The following PPFIA1 variants were observed in gnomAD, a reference collection of about 807,000 sequenced individuals.
PPFIA1 encodes PPFI scaffold protein A1.
PPFIA1 carries 25 observed loss-of-function variants against 149.9 expected under a neutral mutation model. The observed-to-expected ratio is 0.17, with a 90% confidence interval of 0.12 to 0.23. The LOEUF (loss-of-function observed/expected upper bound fraction) is 0.23. Among genes scored for constraint, PPFIA1 ranks in the 10% least tolerant of loss-of-function variants. The probability of loss-of-function intolerance (pLI) is 1.00; values close to 1 mark genes in which losing one functional copy is unlikely to be tolerated. For synonymous variants in PPFIA1, 549 were observed against 552.8 expected, an observed-to-expected ratio of 0.99 and a Z score of 0.10; for missense variants, 1,362 against 1,506.5, an observed-to-expected ratio of 0.90 and a Z score of 1.59.
At chr11:70,382,272 G>A in intron 27 of PPFIA1, 114 bp downstream of exon 27, 1 of 670,948 alleles carries the variant, frequency 1.5e-6, no homozygotes, top group Non-Finnish European at 2.5e-6. Context: ...AGTTTTTGGG[G>A]AATTTAAAAT....
intron 2 of PPFIA1, chr11:70,279,100 G>A (rs1031724073): frequency 1.9e-6 from 1 of 533,058 alleles, no homozygotes. Flanking sequence ...GCCAGTTCAA[G>A]TACCTCTGCG....
chr11:70,273,307 AGT>A (rs1473300627), intron 2 of PPFIA1, among the ~76,000 whole-genome samples: 1 of 152,166 alleles, frequency 6.6e-6, no homozygotes, highest in Admixed American at 6.5e-5. Flanking sequence ...TGTTTCTCTG[AGT>A]ATGTTACATT....
intron 2 of PPFIA1, among the ~76,000 whole-genome samples, chr11:70,293,638 T>C (rs939799131): frequency 6.6e-6 from 1 of 152,212 alleles, no homozygotes; most frequent in African/African-American, 2.4e-5. Context: ...CTTAATCTGC[T>C]GGAGCCTTGT....
intron 2 of PPFIA1, among the ~76,000 whole-genome samples, chr11:70,275,861 A>G (rs1300886670): frequency 6.6e-6 from 1 of 152,158 alleles, no homozygotes; most frequent in Non-Finnish European, 1.5e-5. Context: ...GGTTGCCCAG[A>G]CTAGTCTCCA....
chr11:70,343,831 G>A lies in PPFIA1; in HGVS notation c.1870G>A (p.Asp624Asn), dbSNP rs143247748. 61 of 1,614,030 alleles carry A rather than the reference G, an allele frequency of 3.8e-5. No homozygotes were observed. The highest frequency in any genetic ancestry group is 1.2e-4 in the South Asian group (11 of 91,078). Residue 624 changes from aspartate (D) to asparagine (N), a missense_variant, in exon 15 of 28, where the codon GAC becomes AAC. Physicochemically the swap from Asp to Asn is conservative, Grantham distance 23 (BLOSUM62 1). Coordinates refer to ENST00000253925, the MANE Select transcript of PPFIA1 (RefSeq NM_003626.5). ...VDLLSPSGQA[D>N]AHTLAMMLQE... ...CCTGCTATCGCCCAGCGGGCAGGCC[G>A]ACGCGCACACACTAGCCATGATGCT... is the stretch of plus-strand genomic sequence containing the variant.
intron 23 of PPFIA1, among the ~76,000 whole-genome samples, chr11:70,372,854 A>G (rs2057330806): frequency 6.6e-6 from 1 of 152,178 alleles, no homozygotes; most frequent in South Asian, 2.1e-4. Context: ...TCCTTTGGTC[A>G]TGCCCTGTGT....
chr11:70,282,518 A>ATTTTTTTT (rs869216935), intron 2 of PPFIA1: 1 of 71,444 alleles, frequency 1.4e-5, no homozygotes, highest in Non-Finnish European at 2.5e-5. Context: ...TTGAGTGCTG[A>ATTTTTTTT]TTTTTTTTTT....
intron 2 of PPFIA1, among the ~76,000 whole-genome samples, chr11:70,295,649 CT>C (rs2051912312): frequency 7.0e-6 from 1 of 143,802 alleles, no homozygotes; most frequent in African/African-American, 2.6e-5. Flanking sequence ...AGAGGTGCCC[CT>C]CACCTCCCGG....
At chr11:70,379,730 TAAAAAG>T (rs1392723545) in intron 26 of PPFIA1, among the ~76,000 whole-genome samples, 1 of 152,116 alleles carries the variant, frequency 6.6e-6, no homozygotes, top group African/African-American at 2.4e-5. Flanking sequence ...TGTATAAAAA[TAAAAAG>T]AAAAGTACAT....
chr11:70,286,646 C>T lies in PPFIA1; in HGVS notation c.264+14210C>T, dbSNP rs117476729. Among the ~76,000 whole-genome samples, 1,287 of 152,294 alleles carry T rather than the reference C, an allele frequency of 8.5e-3. 8 individuals carry two copies. The highest frequency in any genetic ancestry group is 0.015 in the Non-Finnish European group (997 of 68,032). Reference sequence around the variant, plus strand: ...GGAGGTTACCCCTGAGGCCCACTGACTCTCAGACCCGAACCCTTTGTCTTC... The same window carrying T: ...GGAGGTTACCCCTGAGGCCCACTGATTCTCAGACCCGAACCCTTTGTCTTC... On this transcript the variant is annotated intron_variant, in intron 2 of 27. Coordinates refer to ENST00000253925, the MANE Select transcript of PPFIA1 (RefSeq NM_003626.5).
Position 70,273,742 on chromosome 11 carries a change from A to T in PPFIA1, c.264+1306A>T, listed in dbSNP as rs79818590. Among the ~76,000 whole-genome samples, 1,375 of 152,294 alleles carry T rather than the reference A, an allele frequency of 9.0e-3. 18 individuals carry two copies. The highest frequency in any genetic ancestry group is 0.031 in the African/African-American group (1,273 of 41,560). On this transcript the variant is annotated intron_variant, in intron 2 of 27. Coordinates refer to ENST00000253925, the MANE Select transcript of PPFIA1 (RefSeq NM_003626.5). Reference sequence around the variant, plus strand: ...AATCATTAAGATTTTTCTTATTTCAATCTTATAAATTACCAAGTTTATTTA... The same window carrying T: ...AATCATTAAGATTTTTCTTATTTCATTCTTATAAATTACCAAGTTTATTTA...
intron 21 of PPFIA1, among the ~76,000 whole-genome samples, chr11:70,367,096 G>C (rs1847965717): frequency 6.6e-6 from 1 of 152,242 alleles, no homozygotes; most frequent in Non-Finnish European, 1.5e-5. Flanking sequence ...ACTTCAGTAT[G>C]AAATTGCCTG....
intron 2 of PPFIA1, chr11:70,284,201 G>A: frequency 2.5e-6 from 1 of 398,508 alleles, no homozygotes; most frequent in Non-Finnish European, 4.9e-6. Flanking sequence ...ACTAATGACT[G>A]CCCCTTCAGA....
Position 70,383,510 on chromosome 11 carries a change from A to G in PPFIA1, c.*520A>G, listed in dbSNP as rs1337473944. The stretch of plus-strand genomic sequence containing the variant: ...CTACAGCAATCATCCTGAAATAAGC[A>G]TACCTAATTTCAAGCAATTGTTGTA... On this transcript the variant is annotated 3_prime_UTR_variant, in exon 28 of 28. Coordinates refer to ENST00000253925, the MANE Select transcript of PPFIA1 (RefSeq NM_003626.5). 1 of 156,598 alleles carries G rather than the reference A, an allele frequency of 6.4e-6. No individual in the cohort carries two copies. Among genetic ancestry groups the G allele is most frequent in the African/African-American group, 2.4e-5 (1 of 41,480 alleles). 9.7% of individuals were successfully genotyped at this position (156,598 alleles called of 1,614,324 possible).
At chr11:70,282,943 G>A (rs2050867277) in intron 2 of PPFIA1, among the ~76,000 whole-genome samples, 1 of 149,572 alleles carries the variant, frequency 6.7e-6, no homozygotes, top group African/African-American at 2.5e-5. Flanking sequence ...AGGTTCAAGC[G>A]ATTCTCTTGC....
intron 2 of PPFIA1, among the ~76,000 whole-genome samples, chr11:70,305,816 G>C (rs1166912736): frequency 1.3e-5 from 2 of 152,128 alleles, no homozygotes; most frequent in South Asian, 4.1e-4. Context: ...TTATATTTGG[G>C]CATATGTTAG....
rs778902270 is a variant in PPFIA1 at position 70,375,105 on chromosome 11, C to T, written c.3315+12C>T. 14 of 1,591,456 alleles carry T rather than the reference C, an allele frequency of 8.8e-6. No homozygotes were observed. The highest frequency in any genetic ancestry group is 1.2e-5 in the Non-Finnish European group (14 of 1,170,386). Reference sequence around the variant, plus strand: ...CGCAGAACACACAGGTGACGCCAAACCTGTCTGTGTCTGCACTCATTGTTC... The same window carrying T: ...CGCAGAACACACAGGTGACGCCAAATCTGTCTGTGTCTGCACTCATTGTTC... On this transcript the variant is annotated intron_variant, in intron 24 of 27. Transcript: ENST00000253925.
At chr11:70,293,241 C>T (rs182303608) in intron 2 of PPFIA1, among the ~76,000 whole-genome samples, 2 of 152,348 alleles carry the variant, frequency 1.3e-5, no homozygotes, top group East Asian at 3.9e-4. Flanking sequence ...TAATCCAAGG[C>T]ATTCAAAGTT....
At chr11:70,374,836 A>C (rs1423744269) in intron 23 of PPFIA1, 82 bp from the exon 24 acceptor site, 1 of 1,293,402 alleles carries the variant, frequency 7.7e-7, no homozygotes, top group African/African-American at 1.5e-5. Flanking sequence ...CATGGTAGGA[A>C]TCTTTCTCCT....
Sources: allele counts gnomAD v4.1 joint callset (sites outside exome capture counted in the v4.1 genomes callset), GRCh38; gene constraint gnomAD v4.1.1; transcripts MANE v1.5; gene names NCBI Gene and HGNC (gene_info 2026-07-23, HGNC 2026-07-21).